Variants in CLIC6 observed in about 807,000 individuals in gnomAD.
CLIC6 encodes the protein CLIC family member 6.
A neutral mutation model predicts 49.2 loss-of-function variants in CLIC6; 39 were observed. The observed-to-expected ratio is 0.79, with a 90% confidence interval of 0.61 to 1.04. CLIC6 has a LOEUF of 1.04. Among genes scored for constraint, CLIC6 ranks in the 50% least tolerant of loss-of-function variants. The pLI is 0.00. For synonymous variants in CLIC6, 446 were observed against 433.4 expected (o/e 1.03, Z -0.36); for missense variants, 988 against 993.1 (o/e 0.99, Z 0.07).
At chr21:34,676,458 A>T (rs552142569) in intron 1 of CLIC6, among the ~76,000 whole-genome samples, 1 of 152,360 alleles carries the variant, frequency 6.6e-6, no homozygotes, top group East Asian at 1.9e-4. Context: ...CAGAAGACAG[A>T]CATTGGGCAA....
chr21:34,673,559 G>A (rs1049206138), intron 1 of CLIC6, among the ~76,000 whole-genome samples: 1 of 152,168 alleles, frequency 6.6e-6, no homozygotes, highest in Admixed American at 6.5e-5. Flanking sequence ...CCAAAGTGCT[G>A]GGATTACAGG....
At chr21:34,671,842 C>T (rs865933753) in intron 1 of CLIC6, among the ~76,000 whole-genome samples, 5 of 152,000 alleles carry the variant, frequency 3.3e-5, no homozygotes, top group African/African-American at 1.2e-4. Flanking sequence ...GTTTGGGTGG[C>T]GAGGGGCTTG....
intron 1 of CLIC6, among the ~76,000 whole-genome samples, chr21:34,697,378 A>G (rs1990106755): frequency 6.6e-6 from 1 of 152,054 alleles, no homozygotes; most frequent in Non-Finnish European, 1.5e-5. Flanking sequence ...TTCCCTGAAC[A>G]CTGACAGACC....
intron 1 of CLIC6, among the ~76,000 whole-genome samples, chr21:34,699,418 T>A (rs71319519): frequency 0.35 from 46,718 of 135,232 alleles, 7,516 homozygotes; most frequent in African/African-American, 0.48. Context: ...TACCTGGCTT[T>A]TTTTTTTTTT....
At chr21:34,709,670 G>C in intron 5 of CLIC6, 132 bp downstream of exon 5, 2 of 789,224 alleles carry the variant, frequency 2.5e-6, no homozygotes, top group South Asian at 2.0e-5. Context: ...CACTAGTTCT[G>C]TTCGGGGCAG....
intron 1 of CLIC6, among the ~76,000 whole-genome samples, chr21:34,677,726 C>G (rs76510321): frequency 0.027 from 4,093 of 152,206 alleles, 177 homozygotes; most frequent in African/African-American, 0.092. Flanking sequence ...ACAACTCTTG[C>G]AGCAGACTTT....
intron 1 of CLIC6, among the ~76,000 whole-genome samples, chr21:34,693,797 TG>T (rs1460818230): frequency 6.6e-6 from 1 of 152,138 alleles, no homozygotes; most frequent in Admixed American, 6.5e-5. Flanking sequence ...GGTCTTGCCT[TG>T]TGACAGGGTT....
At chr21:34,684,320 T>C (rs1989835898) in intron 1 of CLIC6, among the ~76,000 whole-genome samples, 1 of 152,130 alleles carries the variant, frequency 6.6e-6, no homozygotes. Context: ...AGGAGATTGC[T>C]GGGCCGGGTG....
rs541746895 is a variant in CLIC6, at chr21:34,710,239, C to T, written c.1899+701C>T. Among the ~76,000 whole-genome samples the T allele has an allele frequency of 6.6e-5, 10 of 152,254 alleles. No individual in the cohort carries two copies. In the South Asian group the frequency reaches 1.9e-3, roughly 28 times the overall value. On this transcript the variant is annotated intron_variant, in intron 5 of 5. Transcript: ENST00000349499. ...GCTGCAGCAAGTTAAGGAGGTGGCA[C>T]TGCACTCTGGCCTGGGTGACAGAGT...
chr21:34,711,932 C>T (rs2056059265), intron 5 of CLIC6, among the ~76,000 whole-genome samples: 1 of 152,154 alleles, frequency 6.6e-6, no homozygotes, highest in Non-Finnish European at 1.5e-5. Context: ...TGATTGAGTC[C>T]CTTTTGGTAA....
At chr21:34,712,416 A>T (rs2056062699) in intron 5 of CLIC6, among the ~76,000 whole-genome samples, 1 of 152,244 alleles carries the variant, frequency 6.6e-6, no homozygotes, top group Admixed American at 6.5e-5. Context: ...GAGGAGCCAC[A>T]GAACCATTAC....
chr21:34,709,268 G>C, intron 4 of CLIC6, 89 bp from the exon 5 acceptor site: 2 of 1,191,776 alleles, frequency 1.7e-6, no homozygotes, highest in South Asian at 1.4e-5. Flanking sequence ...ACATCTCAGC[G>C]AGGAAGGGAA....
At chr21:34,707,436 T>TACACACAC in intron 2 of CLIC6, 47 bp downstream of exon 2, 1 of 647,958 alleles carries the variant, frequency 1.5e-6, no homozygotes, top group Admixed American at 3.0e-5. Flanking sequence ...CCTAGTTCTC[T>TACACACAC]GCACACACAC....
At chr21:34,689,022 A>C (rs1989937673) in intron 1 of CLIC6, among the ~76,000 whole-genome samples, 1 of 152,178 alleles carries the variant, frequency 6.6e-6, no homozygotes, top group African/African-American at 2.4e-5. Flanking sequence ...AGCTGCTCTC[A>C]GTGTGGGGTG....
intron 4 of CLIC6, 117 bp downstream of exon 4, chr21:34,708,923 G>A: frequency 2.7e-6 from 2 of 733,118 alleles, no homozygotes; most frequent in Non-Finnish European, 4.5e-6. Flanking sequence ...AGTGAGTCTG[G>A]AGCTACAGAA....
rs555507871 is a variant in CLIC6 at position 34,698,926 on chromosome 21, T to G, written c.1375-8354T>G. Among the ~76,000 whole-genome samples the G allele has an allele frequency of 2.4e-3, 358 of 152,286 alleles. 2 individuals are homozygous for G. Among genetic ancestry groups the G allele is most frequent in the African/African-American group, 8.2e-3 (342 of 41,558 alleles). On this transcript the variant is annotated intron_variant, in intron 1 of 5. Coordinates refer to ENST00000349499, the MANE Select transcript of CLIC6 (RefSeq NM_053277.3). The stretch of plus-strand genomic sequence containing the variant: ...AGTGGCTTCAAAAGCAGAAACGCTG[T>G]GCTGGGCAAGAGACTGATGATCAGG...
At chr21:34,675,779 A>G (rs1601259348) in intron 1 of CLIC6, among the ~76,000 whole-genome samples, 2 of 152,034 alleles carry the variant, frequency 1.3e-5, no homozygotes, top group African/African-American at 2.4e-5. Context: ...CAGGCCCTCC[A>G]CTGTGCTTTT....
chr21:34,669,305 C>T lies in CLIC6; in HGVS notation c.-84C>T. ...CGTCCTTCAAGGAGCACAGAGGGCC[C>T]CGTAGCACGCCCCTTGCCCAGCGCC... On this transcript the variant is annotated 5_prime_UTR_variant, in exon 1 of 6. Coordinates refer to ENST00000349499, the MANE Select transcript of CLIC6 (RefSeq NM_053277.3). 8.9e-7 allele frequency: 1 copy of T among 1,117,744 alleles called. No individual in the cohort carries two copies. Among genetic ancestry groups the T allele is most frequent in the Non-Finnish European group, 1.1e-6 (1 of 884,208 alleles). The allele number at this position is 1,117,744 out of a possible 1,614,324, so 69.2% of individuals were successfully genotyped here.
At chr21:34,690,402 C>T (rs62213793) in intron 1 of CLIC6, among the ~76,000 whole-genome samples, 25,273 of 152,138 alleles carry the variant, frequency 0.17, 2,171 homozygotes, top group Non-Finnish European at 0.19. Flanking sequence ...TATATTTTAT[C>T]GCCTCCTTTT....
Sources: allele counts gnomAD v4.1 joint callset (sites outside exome capture counted in the v4.1 genomes callset), GRCh38; gene constraint gnomAD v4.1.1; transcripts MANE v1.5; gene names NCBI Gene and HGNC (gene_info 2026-07-23, HGNC 2026-07-21).